Variants in CAMTA1 observed in about 807,000 individuals in gnomAD.
CAMTA1 encodes calmodulin-binding transcription activator 1.
Under a neutral mutation model 170.9 loss-of-function variants are expected in CAMTA1, and 27 were observed. That is an observed-to-expected ratio of 0.16 (90% confidence interval 0.12 to 0.22). The LOEUF is 0.22. CAMTA1 is among the 10% of genes least tolerant of loss of function. The pLI is 1.00. For missense variants in CAMTA1, 1,619 were observed against 2,217.2 expected (o/e 0.73, Z 5.42); for synonymous variants, 833 against 891.5 (o/e 0.93, Z 1.17).
chr1:6,939,822 T>C (rs1273985451), intron 3 of CAMTA1, among the ~76,000 whole-genome samples: 7 of 152,270 alleles, frequency 4.6e-5, no homozygotes, highest in Non-Finnish European at 1.0e-4. Context: ...GCCTAGCATC[T>C]GTCTCCCTGC....
At chr1:7,416,761 G>A (rs1281648367) in intron 5 of CAMTA1, among the ~76,000 whole-genome samples, 5 of 152,156 alleles carry the variant, frequency 3.3e-5, no homozygotes, top group Non-Finnish European at 7.3e-5. Flanking sequence ...CTCTCAACTC[G>A]TCAAAGTCAT....
intron 4 of CAMTA1, among the ~76,000 whole-genome samples, chr1:7,210,329 G>A (rs938153044): frequency 6.6e-6 from 1 of 152,074 alleles, no homozygotes; most frequent in Non-Finnish European, 1.5e-5. Context: ...CTGTCCTTTG[G>A]TTGGGGTTTG....
chr1:6,786,144 G>T (rs948258443), intron 1 of CAMTA1, among the ~76,000 whole-genome samples: 1 of 151,886 alleles, frequency 6.6e-6, no homozygotes, highest in Non-Finnish European at 1.5e-5. Context: ...CTTCAGCCCC[G>T]TGGACACCTC....
intron 3 of CAMTA1, among the ~76,000 whole-genome samples, chr1:7,085,912 C>T (rs1185818298): frequency 6.6e-6 from 1 of 152,188 alleles, no homozygotes; most frequent in Non-Finnish European, 1.5e-5. Flanking sequence ...GGCAGTGACA[C>T]CAGGTGCAGC....
chr1:6,980,737 A>G (rs1694297196), intron 3 of CAMTA1, among the ~76,000 whole-genome samples: 1 of 152,100 alleles, frequency 6.6e-6, no homozygotes, highest in Non-Finnish European at 1.5e-5. Flanking sequence ...TTTGCTTGCC[A>G]CCATGCGAGA....
intron 21 of CAMTA1, 119 bp downstream of exon 21, chr1:7,752,652 G>A (rs1039437163): frequency 1.1e-5 from 8 of 750,364 alleles, no homozygotes; most frequent in African/African-American, 3.6e-5. Flanking sequence ...CAGGGCAGAC[G>A]TCCCAAATTA....
At chr1:7,309,287 ATTTTTTTTTTTT>A (rs34401498) in intron 5 of CAMTA1, among the ~76,000 whole-genome samples, 19 of 70,470 alleles carry the variant, frequency 2.7e-4, no homozygotes, top group African/African-American at 6.8e-4. Context: ...CAGTTAGAAA[ATTTTTTTTTTTT>A]TTTTTTTTTT....
chr1:7,603,688 G>A (rs2095464240), intron 6 of CAMTA1, among the ~76,000 whole-genome samples: 3 of 152,204 alleles, frequency 2.0e-5, no homozygotes, highest in South Asian at 4.1e-4. Context: ...TTACACTTAA[G>A]GTTAATATTA....
chr1:7,677,292 A>C (rs910847721), intron 10 of CAMTA1, among the ~76,000 whole-genome samples: 1 of 152,202 alleles, frequency 6.6e-6, no homozygotes, highest in African/African-American at 2.4e-5. Flanking sequence ...CCATTCACTC[A>C]TTCACTTGTT....
rs767380991 is a variant in CAMTA1, at chr1:7,752,545, C to G, written c.4958+12C>G. Reference sequence around the variant, plus strand: ...CGCTGTCGCCACAGGTACACTAGTCCTTGTTTATACATTCTGCTCAGGGAG... The same window carrying G: ...CGCTGTCGCCACAGGTACACTAGTCGTTGTTTATACATTCTGCTCAGGGAG... On this transcript the variant is annotated intron_variant, in intron 21 of 22. Transcript: ENST00000303635. The G allele has an allele frequency of 1.9e-6, 3 of 1,587,652 alleles. No individual in the cohort carries two copies. Among genetic ancestry groups the G allele is most frequent in the African/African-American group, 1.3e-5 (1 of 74,102 alleles).
At chr1:7,309,592 C>A (rs1380175116) in intron 5 of CAMTA1, among the ~76,000 whole-genome samples, 1 of 152,086 alleles carries the variant, frequency 6.6e-6, no homozygotes, top group East Asian at 1.9e-4. Flanking sequence ...AGCCGCCGCG[C>A]CCGGCCTGAA....
chr1:7,742,280 G>C (rs1270903217), intron 16 of CAMTA1, among the ~76,000 whole-genome samples: 1 of 151,894 alleles, frequency 6.6e-6, no homozygotes, highest in African/African-American at 2.4e-5. Flanking sequence ...AACACACATA[G>C]CTCAGAATTT....
intron 10 of CAMTA1, among the ~76,000 whole-genome samples, chr1:7,676,558 C>T (rs184634700): frequency 6.6e-6 from 1 of 152,338 alleles, no homozygotes; most frequent in African/African-American, 2.4e-5. Flanking sequence ...GCTTGGACGG[C>T]TTCCTCGACT....
At chr1:7,059,504 C>T (rs950259396) in intron 3 of CAMTA1, among the ~76,000 whole-genome samples, 4 of 152,102 alleles carry the variant, frequency 2.6e-5, no homozygotes, top group African/African-American at 9.7e-5. Flanking sequence ...CCTGTAGTCC[C>T]AGCTACTTGG....
intron 4 of CAMTA1, among the ~76,000 whole-genome samples, chr1:7,206,084 A>G (rs939038455): frequency 1.3e-5 from 2 of 152,186 alleles, no homozygotes; most frequent in Non-Finnish European, 2.9e-5. Context: ...ACCAGTATAC[A>G]CTGTTTTAAT....
chr1:6,912,307 G>T (rs1226979600), intron 3 of CAMTA1, among the ~76,000 whole-genome samples: 1 of 152,220 alleles, frequency 6.6e-6, no homozygotes, highest in Non-Finnish European at 1.5e-5. Context: ...TGCTTAGCAG[G>T]CCAGCGGGGT....
At chr1:7,106,979 T>G (rs2148332748) in intron 4 of CAMTA1, among the ~76,000 whole-genome samples, 1 of 151,996 alleles carries the variant, frequency 6.6e-6, no homozygotes, top group East Asian at 2.0e-4. Context: ...TGGGGAGATG[T>G]CGTGGAAACC....
intron 6 of CAMTA1, among the ~76,000 whole-genome samples, chr1:7,620,002 A>G (rs2095586739): frequency 6.6e-6 from 1 of 152,226 alleles, no homozygotes; most frequent in Admixed American, 6.5e-5. Flanking sequence ...TATGTACACA[A>G]GCAAAAGTAA....
intron 1 of CAMTA1, among the ~76,000 whole-genome samples, chr1:6,789,388 G>A (rs1640369820): frequency 6.6e-6 from 1 of 152,042 alleles, no homozygotes; most frequent in Non-Finnish European, 1.5e-5. Context: ...TGTCCTGCTC[G>A]GTTTTTAATT....
Sources: gnomAD v4.1 joint callset for allele counts (sites outside exome capture counted in the v4.1 genomes callset) on GRCh38, gnomAD v4.1.1 for gene constraint, MANE v1.5 for transcripts, NCBI Gene and HGNC (gene_info 2026-07-23, HGNC 2026-07-21) for gene names.